The following VCAN variants were observed in gnomAD, a reference collection of about 807,000 sequenced individuals.
The protein encoded by VCAN is versican, also known as versican core protein.
In VCAN, 44 loss-of-function variants were observed where a neutral mutation model predicts 245.5. That is an observed-to-expected ratio of 0.18 (90% CI 0.14 to 0.23). The LOEUF (loss-of-function observed/expected upper bound fraction) is 0.23, where lower values mean the gene tolerates loss of function less well. Ranked by LOEUF, VCAN falls within the 10% of genes least tolerant of loss-of-function variation. The pLI is 1.00. For missense variants in VCAN, 3,793 were observed against 4,057.9 expected (o/e 0.93, Z 1.77); for synonymous variants, 1,413 against 1,437.0 (o/e 0.98, Z 0.38).
At chr5:83,518,735 TA>T (rs1325240709) in intron 6 of VCAN, among the ~76,000 whole-genome samples, 23 of 152,224 alleles carry the variant, frequency 1.5e-4, no homozygotes, top group Admixed American at 1.4e-3. Flanking sequence ...AGAGTGGTAT[TA>T]AAAAGTTTTA....
rs11955538 is a variant in VCAN, at chr5:83,485,635, G to A, written c.70+2047G>A. 2.5e-3 allele frequency among the ~76,000 whole-genome samples: 386 copies of A among 152,206 alleles called. 1 individual carries two copies. Among genetic ancestry groups the A allele is most frequent in the African/African-American group, 8.8e-3 (364 of 41,524 alleles). ...GGAGTAGTTTAGATCAGGTAGCAGT[G>A]GAGATGAAGAGAAGTGAATTGGATA... is the stretch of plus-strand genomic sequence containing the variant. On this transcript the variant is annotated intron_variant, in intron 2 of 14. Transcript: ENST00000265077.
chr5:83,496,332 C>T (rs981281783), intron 5 of VCAN, among the ~76,000 whole-genome samples: 2 of 152,196 alleles, frequency 1.3e-5, no homozygotes, highest in Admixed American at 1.3e-4. Context: ...TGTAACCCAA[C>T]TGTATTTTAT....
chr5:83,555,133 G>A (rs2112472854), intron 12 of VCAN, 95 bp downstream of exon 12: 1 of 1,320,388 alleles, frequency 7.6e-7, no homozygotes, highest in Non-Finnish European at 1.1e-6. Context: ...TAGACTGGAG[G>A]CAAGTTAAAT....
At chr5:83,572,275 T>C (rs1748314937) in intron 12 of VCAN, 141 bp from the exon 13 acceptor site, 2 of 1,023,766 alleles carry the variant, frequency 2.0e-6, no homozygotes, top group Non-Finnish European at 1.5e-6. Context: ...AGTCTTTTTC[T>C]GTACCACCAA....
At chr5:83,500,202 C>CCTTGCTTGGAGTTGCTTCTGTG (rs1745288605) in intron 5 of VCAN, among the ~76,000 whole-genome samples, 1 of 152,226 alleles carries the variant, frequency 6.6e-6, no homozygotes, top group Admixed American at 6.5e-5. Context: ...CTCTTGCACA[C>CCTTGCTTGGAGTTGCTTCTGTG]TATGATTCCG....
rs760414455 is a variant in VCAN at position 83,539,143 on chromosome 5, A to G, written c.6140A>G (p.Glu2047Gly). The G allele has an allele frequency of 1.9e-6, 3 of 1,614,002 alleles. No individual in the cohort carries two copies. Among genetic ancestry groups the G allele is most frequent in the Non-Finnish European group, 2.5e-6 (3 of 1,179,978 alleles). Residue 2047 changes from glutamate (E) to glycine (G), a missense_variant, in exon 8 of 15, where the codon GAA (glutamate) becomes GGA (glycine). This residue lies in a region of VCAN where 3,182 missense variants were observed against 3,250.3 expected (regional missense o/e 0.98). Coordinates refer to ENST00000265077, the MANE Select transcript of VCAN (RefSeq NM_004385.5). The part of the protein sequence containing the change: ...ASSIIDEGLG[E>G]VGTVNEIDRR... ...TCCATTATCGACGAAGGATTGGGAG[A>G]AGTGGGTACTGTCAATGAAATTGAT...
chr5:83,480,394 G>T (rs1744571466), intron 1 of VCAN, among the ~76,000 whole-genome samples: 1 of 151,998 alleles, frequency 6.6e-6, no homozygotes, highest in African/African-American at 2.4e-5. Flanking sequence ...CACACCTTTG[G>T]TTTTTTTAAA....
At chr5:83,488,242 C>T (rs1744854868) in intron 2 of VCAN, among the ~76,000 whole-genome samples, 1 of 152,148 alleles carries the variant, frequency 6.6e-6, no homozygotes, top group Admixed American at 6.5e-5. Flanking sequence ...TCAGAGAGTC[C>T]TCTGTGAACC....
intron 13 of VCAN, among the ~76,000 whole-genome samples, chr5:83,574,005 C>T (rs1468217762): frequency 6.6e-5 from 10 of 152,288 alleles, no homozygotes; most frequent in Admixed American, 2.0e-4. Context: ...AGTACTGTAA[C>T]TCTCAGTCTG....
In VCAN at chr5:83,471,971, G is replaced by A. The variant is rs1744206698; in HGVS notation, c.-59G>A. The A allele has an allele frequency of 5.1e-6, 2 of 388,964 alleles. No individual in the cohort carries two copies. Among genetic ancestry groups the A allele is most frequent in the Non-Finnish European group, 9.1e-6 (2 of 220,548 alleles). 24.1% of individuals were successfully genotyped at this position (388,964 alleles called of 1,614,324 possible). ...CGCCTGGGCAACGCCGAACCCAGTC[G>A]CGCAGCGCTGCAGTGAATTTTCCCC... On this transcript the variant is annotated 5_prime_UTR_variant, in exon 1 of 15. Coordinates refer to ENST00000265077, the MANE Select transcript of VCAN (RefSeq NM_004385.5).
chr5:83,563,497 C>T (rs890585274), intron 12 of VCAN, among the ~76,000 whole-genome samples: 3 of 152,106 alleles, frequency 2.0e-5, no homozygotes, highest in Admixed American at 1.3e-4. Flanking sequence ...AACCATTTGA[C>T]CTGTGTTCTG....
chr5:83,531,049 A>T (rs1580638594), intron 7 of VCAN, among the ~76,000 whole-genome samples: 1 of 152,248 alleles, frequency 6.6e-6, no homozygotes, highest in Non-Finnish European at 1.5e-5. Context: ...GAGGAAAATA[A>T]ATTCTGGTGG....
chr5:83,478,451 T>C (rs1214226294), intron 1 of VCAN, among the ~76,000 whole-genome samples: 1 of 152,176 alleles, frequency 6.6e-6, no homozygotes, highest in East Asian at 1.9e-4. Context: ...GACATTATTA[T>C]ATGGATGGAT....
At chr5:83,513,188 C>T (rs1745722467) in intron 6 of VCAN, among the ~76,000 whole-genome samples, 1 of 152,118 alleles carries the variant, frequency 6.6e-6, no homozygotes, top group Non-Finnish European at 1.5e-5. Context: ...AATCTAGCAT[C>T]TCATTGGAAT....
chr5:83,536,630 T>C (rs73769475), intron 7 of VCAN: 4,206 of 157,722 alleles, frequency 0.027, 188 homozygotes, highest in African/African-American at 0.092. Context: ...TTTTTAATTT[T>C]TAAATTGTTT....
chr5:83,555,301 T>G (rs1178016667), intron 12 of VCAN, among the ~76,000 whole-genome samples: 1 of 152,190 alleles, frequency 6.6e-6, no homozygotes, highest in Non-Finnish European at 1.5e-5. Flanking sequence ...TTAGTAGAAT[T>G]GCCTTGGGTC....
At position 83,581,158 on chromosome 5, in the gene VCAN, C is replaced by G. The variant is rs1408852212; in HGVS notation, c.*724C>G. On this transcript the variant is annotated 3_prime_UTR_variant, in exon 15 of 15. Transcript: ENST00000265077. ...GCCTGAATGGAGGACTTTTCTGTAA[C>G]CAGGAACATTTTTTAGGGGTCAAAG... The G allele has an allele frequency of 6.5e-6, 1 of 153,014 alleles. No individual in the cohort carries two copies. Among genetic ancestry groups the G allele is most frequent in the East Asian group, 1.9e-4 (1 of 5,182 alleles). 9.5% of individuals were successfully genotyped at this position (153,014 alleles called of 1,614,324 possible).
intron 12 of VCAN, among the ~76,000 whole-genome samples, chr5:83,560,343 G>A (rs373010213): frequency 4.6e-5 from 7 of 152,124 alleles, no homozygotes; most frequent in South Asian, 4.1e-4. Context: ...ATGAGTTTTA[G>A]AAACCTTATT....
intron 13 of VCAN, among the ~76,000 whole-genome samples, chr5:83,577,674 CTT>C (rs902276287): frequency 6.6e-6 from 1 of 152,102 alleles, no homozygotes; most frequent in African/African-American, 2.4e-5. Context: ...AGTTTTGCCT[CTT>C]ATATTTATAT....
Sources: allele counts gnomAD v4.1 joint callset (sites outside exome capture counted in the v4.1 genomes callset), GRCh38; gene constraint gnomAD v4.1.1; regional missense constraint gnomAD v4.1.1; transcripts MANE v1.5; gene names NCBI Gene and HGNC (gene_info 2026-07-23, HGNC 2026-07-21).